The following PDE4B variants were observed in gnomAD, a reference collection of about 807,000 sequenced individuals.
PDE4B encodes the protein 3',5'-cyclic-AMP phosphodiesterase 4B.
In PDE4B, 20 loss-of-function variants were observed where a neutral mutation model predicts 82.2. That is an observed-to-expected ratio of 0.24 (90% CI 0.17 to 0.35). The LOEUF (loss-of-function observed/expected upper bound fraction) is 0.35, where lower values mean the gene tolerates loss of function less well. PDE4B is among the 10% of genes least tolerant of loss of function. PDE4B has a pLI of 1.00. For missense variants in PDE4B, 655 were observed against 907.2 expected, an observed-to-expected ratio of 0.72 and a Z score of 3.57; for synonymous variants, 320 against 318.9, an observed-to-expected ratio of 1.00 and a Z score of -0.04.
intron 3 of PDE4B, among the ~76,000 whole-genome samples, chr1:66,112,010 A>G (rs769693642): frequency 4.6e-5 from 7 of 152,140 alleles, no homozygotes; most frequent in Non-Finnish European, 1.0e-4. Context: ...GAACCTTTGC[A>G]TTTTGTTCAA....
At chr1:66,160,632 T>C (rs1057215945) in intron 3 of PDE4B, among the ~76,000 whole-genome samples, 1 of 152,192 alleles carries the variant, frequency 6.6e-6, no homozygotes, top group African/African-American at 2.4e-5. Context: ...TTTTTAAATG[T>C]AGACAAGCAT....
chr1:65,974,408 A>G (rs1470046677), intron 3 of PDE4B, among the ~76,000 whole-genome samples: 1 of 152,186 alleles, frequency 6.6e-6, no homozygotes, highest in African/African-American at 2.4e-5. Context: ...TATATAGGAA[A>G]TATTCAGATG....
At chr1:65,984,229 G>C (rs1650837252) in intron 3 of PDE4B, among the ~76,000 whole-genome samples, 1 of 152,162 alleles carries the variant, frequency 6.6e-6, no homozygotes, top group Non-Finnish European at 1.5e-5. Flanking sequence ...CTTGATCTTA[G>C]CAGTTTAAAC....
Position 65,838,509 on chromosome 1 carries a change from G to GTA in PDE4B, c.-71+45269_-71+45270dup, listed in dbSNP as rs553430902. Among the ~76,000 whole-genome samples the GTA allele has an allele frequency of 4.2e-3, 616 of 146,540 alleles. 4 individuals are homozygous for GTA. Among genetic ancestry groups the GTA allele is most frequent in the African/African-American group, 0.015 (599 of 40,110 alleles). ...CGTATATGTATATATATACGTATAT[G>GTA]TATATATATGTATATGTATATATAT... is the stretch of plus-strand genomic sequence containing the variant. On this transcript the variant is annotated intron_variant, in intron 1 of 16. Transcript: ENST00000341517.
intron 3 of PDE4B, among the ~76,000 whole-genome samples, chr1:66,207,897 G>T (rs1342871564): frequency 6.6e-6 from 1 of 152,164 alleles, no homozygotes; most frequent in East Asian, 1.9e-4. Flanking sequence ...GAACCGTAAG[G>T]TTTGATCTCA....
At chr1:66,342,054 T>G (rs1661025011) in intron 8 of PDE4B, among the ~76,000 whole-genome samples, 1 of 152,170 alleles carries the variant, frequency 6.6e-6, no homozygotes, top group Admixed American at 6.5e-5. Context: ...AGTCTTAGTA[T>G]GTGTAGATCC....
At chr1:65,959,668 G>C (rs967830958) in intron 3 of PDE4B, among the ~76,000 whole-genome samples, 6 of 152,060 alleles carry the variant, frequency 3.9e-5, no homozygotes, top group African/African-American at 1.2e-4. Context: ...TTTTACAGAT[G>C]AGGAGGCAGA....
At chr1:66,002,312 A>G (rs1386163262) in intron 3 of PDE4B, among the ~76,000 whole-genome samples, 1 of 150,770 alleles carries the variant, frequency 6.6e-6, no homozygotes, top group Non-Finnish European at 1.5e-5. Flanking sequence ...TATATAAGTC[A>G]TGTATCAATA....
intron 1 of PDE4B, among the ~76,000 whole-genome samples, chr1:65,852,945 G>A (rs4609402): frequency 0.53 from 80,129 of 151,698 alleles, 21,383 homozygotes; most frequent in Non-Finnish European, 0.57. Flanking sequence ...CAGATTGCCT[G>A]TCTGCTTGTT....
intron 3 of PDE4B, among the ~76,000 whole-genome samples, chr1:65,922,061 G>A (rs1350233388): frequency 6.6e-6 from 1 of 152,166 alleles, no homozygotes; most frequent in East Asian, 1.9e-4. Flanking sequence ...CAGAAAAAAG[G>A]CCGGGAATAT....
intron 7 of PDE4B, among the ~76,000 whole-genome samples, chr1:66,311,878 C>G (rs1296896529): frequency 6.6e-6 from 1 of 152,214 alleles, no homozygotes; most frequent in Non-Finnish European, 1.5e-5. Context: ...CTGACCGCCA[C>G]TTCCCCGCTC....
intron 7 of PDE4B, among the ~76,000 whole-genome samples, chr1:66,286,287 C>T (rs755758387): frequency 3.3e-5 from 5 of 152,068 alleles, no homozygotes; most frequent in Non-Finnish European, 5.9e-5. Flanking sequence ...TCGTCATGAG[C>T]CCCATCATTA....
intron 15 of PDE4B, 131 bp from the exon 16 acceptor site, chr1:66,368,649 TCGGTGCA>T: frequency 1.9e-6 from 1 of 526,380 alleles, no homozygotes; most frequent in Middle Eastern, 3.6e-4. Flanking sequence ...CCATTTTTTT[TCGGTGCA>T]TATGTCATAA....
chr1:66,022,791 A>C (rs999273736), intron 3 of PDE4B, among the ~76,000 whole-genome samples: 5 of 152,148 alleles, frequency 3.3e-5, no homozygotes, highest in African/African-American at 1.2e-4. Flanking sequence ...TGTCTCTGCC[A>C]GGCTTTGGTA....
intron 3 of PDE4B, among the ~76,000 whole-genome samples, chr1:65,926,414 C>T (rs779374683): frequency 3.3e-5 from 5 of 152,092 alleles, no homozygotes; most frequent in Admixed American, 1.3e-4. Context: ...ATAAAATTGC[C>T]TTTAGTACAT....
chr1:65,995,065 A>C (rs1651463475), intron 3 of PDE4B, among the ~76,000 whole-genome samples: 1 of 152,178 alleles, frequency 6.6e-6, no homozygotes, highest in Non-Finnish European at 1.5e-5. Flanking sequence ...ACAAAATGTT[A>C]CAATTGCCAA....
intron 3 of PDE4B, among the ~76,000 whole-genome samples, chr1:66,007,711 A>G (rs891935151): frequency 2.0e-5 from 3 of 152,174 alleles, no homozygotes; most frequent in Admixed American, 6.5e-5. Flanking sequence ...CAGGTAGGAA[A>G]TATCTCCTAA....
At chr1:66,019,218 A>G (rs1343919878) in intron 3 of PDE4B, among the ~76,000 whole-genome samples, 30 of 152,144 alleles carry the variant, frequency 2.0e-4, no homozygotes, top group Non-Finnish European at 4.4e-5. Flanking sequence ...ATAATCAATT[A>G]AGGAACTGAA....
intron 3 of PDE4B, among the ~76,000 whole-genome samples, chr1:66,117,660 T>C (rs1463569008): frequency 6.6e-6 from 1 of 152,142 alleles, no homozygotes; most frequent in Non-Finnish European, 1.5e-5. Flanking sequence ...CAATTTTTCA[T>C]TGATAAAGTG....
Sources: allele counts gnomAD v4.1 joint callset (sites outside exome capture counted in the v4.1 genomes callset), GRCh38; gene constraint gnomAD v4.1.1; transcripts MANE v1.5; gene names NCBI Gene and HGNC (gene_info 2026-07-23, HGNC 2026-07-21).